Variants in MYO5B observed in about 807,000 individuals in gnomAD.
MYO5B encodes the protein unconventional myosin-Vb.
MYO5B carries 143 observed loss-of-function variants against 229.3 expected under a neutral mutation model. That is an observed-to-expected ratio of 0.62 (90% CI 0.54 to 0.72). The LOEUF is 0.72. Among genes scored for constraint, MYO5B ranks in the 30% least tolerant of loss-of-function variants. The probability of loss-of-function intolerance (pLI) is 0.00; values close to 1 mark genes in which losing one functional copy is unlikely to be tolerated. For missense variants in MYO5B, 2,321 were observed against 2,331.0 expected, an observed-to-expected ratio of 1.00 and a Z score of 0.09; for synonymous variants, 918 against 885.2, an observed-to-expected ratio of 1.04 and a Z score of -0.66.
chr18:50,042,960 G>C (rs543102232), intron 2 of MYO5B, among the ~76,000 whole-genome samples: 2 of 152,096 alleles, frequency 1.3e-5, no homozygotes, highest in African/African-American at 4.8e-5. Context: ...ATTCTCAGAT[G>C]AATCTCTTCA....
At chr18:50,004,044 CACTG>C (rs1177659780) in intron 4 of MYO5B, among the ~76,000 whole-genome samples, 1 of 152,182 alleles carries the variant, frequency 6.6e-6, no homozygotes, top group Non-Finnish European at 1.5e-5. Flanking sequence ...CGATGCTTGT[CACTG>C]TTCACCTACG....
At chr18:49,907,518 A>C (rs1017126990) in intron 18 of MYO5B, among the ~76,000 whole-genome samples, 3 of 152,200 alleles carry the variant, frequency 2.0e-5, no homozygotes, top group Admixed American at 2.0e-4. Flanking sequence ...GTAACCCATG[A>C]TGACAGAGCT....
At chr18:50,046,455 G>A (rs1013534875) in intron 2 of MYO5B, among the ~76,000 whole-genome samples, 1 of 152,172 alleles carries the variant, frequency 6.6e-6, no homozygotes, top group African/African-American at 2.4e-5. Flanking sequence ...TGTAAGATGG[G>A]AAGCCTAGTT....
chr18:50,007,836 T>G (rs997758263), intron 4 of MYO5B, among the ~76,000 whole-genome samples: 1 of 152,220 alleles, frequency 6.6e-6, no homozygotes, highest in Non-Finnish European at 1.5e-5. Context: ...ATGAGACTCT[T>G]AGTATATAGA....
intron 12 of MYO5B, among the ~76,000 whole-genome samples, 176 bp from the exon 13 acceptor site, chr18:49,954,611 C>T (rs2025471049): frequency 6.6e-6 from 1 of 152,162 alleles, no homozygotes; most frequent in African/African-American, 2.4e-5. Context: ...CAGGATCCGG[C>T]CACGGCGTGC....
chr18:50,041,200 C>T (rs2030005571), intron 2 of MYO5B, among the ~76,000 whole-genome samples: 1 of 152,244 alleles, frequency 6.6e-6, no homozygotes, highest in East Asian at 1.9e-4. Context: ...AATTCTGAGG[C>T]AGGATTCAGG....
chr18:49,932,908 T>A (rs148496937), intron 16 of MYO5B, among the ~76,000 whole-genome samples: 6 of 152,262 alleles, frequency 3.9e-5, no homozygotes, highest in African/African-American at 1.2e-4. Context: ...AAACCAGCCC[T>A]CCTTCTATTA....
chr18:49,916,220 T>C (rs999053370), intron 17 of MYO5B, among the ~76,000 whole-genome samples: 19 of 152,382 alleles, frequency 1.2e-4, no homozygotes, highest in African/African-American at 4.3e-4. Flanking sequence ...TAAATGCTTC[T>C]AATTTGAAAA....
intron 29 of MYO5B, among the ~76,000 whole-genome samples, chr18:49,861,354 C>G (rs1453225838): frequency 6.6e-6 from 1 of 152,166 alleles, no homozygotes; most frequent in African/African-American, 2.4e-5. Flanking sequence ...ATAAAAGAGG[C>G]TGCCAATGGT....
At chr18:49,848,793 G>A (rs2024163221) in intron 32 of MYO5B, among the ~76,000 whole-genome samples, 2 of 152,052 alleles carry the variant, frequency 1.3e-5, no homozygotes, top group Non-Finnish European at 2.9e-5. Context: ...TGGGCACATG[G>A]GCAGATATGA....
intron 2 of MYO5B, among the ~76,000 whole-genome samples, chr18:50,047,778 T>C (rs1343820667): frequency 1.3e-5 from 2 of 152,124 alleles, no homozygotes; most frequent in African/African-American, 2.4e-5. Context: ...GATGAGTTCA[T>C]GTCCTTTGTA....
At chr18:49,964,204 G>A (rs992622967) in intron 10 of MYO5B, among the ~76,000 whole-genome samples, 2 of 152,188 alleles carry the variant, frequency 1.3e-5, no homozygotes, top group Non-Finnish European at 2.9e-5. Context: ...TGGAACTAAT[G>A]TTTGTTATGA....
chr18:50,142,901 T>A (rs1350705926), intron 1 of MYO5B, among the ~76,000 whole-genome samples: 1 of 151,984 alleles, frequency 6.6e-6, no homozygotes, highest in Non-Finnish European at 1.5e-5. Flanking sequence ...TGAAGATGAG[T>A]GCCAGCAGAC....
intron 2 of MYO5B, 43 bp downstream of exon 2, chr18:50,055,225 G>GCCCC: frequency 4.3e-6 from 3 of 700,376 alleles, no homozygotes; most frequent in Non-Finnish European, 8.0e-6. Flanking sequence ...TGAGCTCCCT[G>GCCCC]CCCCACCTCA....
intron 4 of MYO5B, among the ~76,000 whole-genome samples, chr18:50,013,957 T>G (rs1315066171): frequency 6.6e-6 from 1 of 152,200 alleles, no homozygotes. Flanking sequence ...CAGGTGCCGC[T>G]GGGTATGCTT....
intron 4 of MYO5B, among the ~76,000 whole-genome samples, chr18:50,026,839 G>T (rs1815941): frequency 0.98 from 148,945 of 152,328 alleles, 72,913 homozygotes; most frequent in East Asian, 1. Flanking sequence ...GACATGACAT[G>T]TATGCCTATC....
chr18:49,940,832 T>C (rs548717069), intron 14 of MYO5B, among the ~76,000 whole-genome samples: 9 of 152,326 alleles, frequency 5.9e-5, no homozygotes, highest in South Asian at 2.1e-4. Flanking sequence ...TGCACATACG[T>C]ACAAGGTTAC....
intron 1 of MYO5B, among the ~76,000 whole-genome samples, chr18:50,055,704 T>C (rs2030531988): frequency 6.6e-6 from 1 of 152,100 alleles, no homozygotes; most frequent in Admixed American, 6.5e-5. Context: ...TGTTACAAAA[T>C]AGCAATGTCA....
At chr18:49,957,142 C>CAAAAAAAAAAAAAACA (rs2025501896) in intron 12 of MYO5B, among the ~76,000 whole-genome samples, 1 of 58,736 alleles carries the variant, frequency 1.7e-5, no homozygotes, top group Non-Finnish European at 2.9e-5. Context: ...AATAAAGTAG[C>CAAAAAAAAAAAAAACA]AAAAAAAAAA....
Sources: gnomAD v4.1 joint callset for allele counts (sites outside exome capture counted in the v4.1 genomes callset) on GRCh38, gnomAD v4.1.1 for gene constraint, MANE v1.5 for transcripts, NCBI Gene and HGNC (gene_info 2026-07-23, HGNC 2026-07-21) for gene names.